The following SLC25A25 variants were observed in gnomAD, a reference collection of about 807,000 sequenced individuals.
SLC25A25 encodes the protein solute carrier family 25 member 25.
In SLC25A25, 32 loss-of-function variants were observed where a neutral mutation model predicts 57.7. The observed-to-expected ratio is 0.55, with a 90% confidence interval of 0.42 to 0.74. The LOEUF (loss-of-function observed/expected upper bound fraction) is 0.74, where lower values mean the gene tolerates loss of function less well. Ranked by LOEUF, SLC25A25 falls within the 30% of genes least tolerant of loss-of-function variation. The pLI is 0.00. For missense variants in SLC25A25, 556 were observed against 701.3 expected, an observed-to-expected ratio of 0.79 and a Z score of 2.34; for synonymous variants, 306 against 291.2, an observed-to-expected ratio of 1.05 and a Z score of -0.52.
At position 128,103,591 on chromosome 9, in the gene SLC25A25, C is replaced by A; in HGVS notation, c.625-90C>A. ...TTCTCCCTGTCCTGTGGTCCCTGGC[C>A]TGGAGCCGTGCTAGAGGGTAGACGG... On this transcript the variant is annotated intron_variant, in intron 5 of 10. Coordinates refer to ENST00000373069, the MANE Select transcript of SLC25A25 (RefSeq NM_001330988.2). The surrounding 1 kb of genome is among the most constrained non-coding windows in gnomAD (Gnocchi z 6.7). 6.4e-7 allele frequency: 1 copy of A among 1,558,184 alleles called. No homozygotes were observed. The highest frequency in any genetic ancestry group is 8.8e-7 in the Non-Finnish European group (1 of 1,134,466).
rs1834102808 is a variant in SLC25A25 at position 128,107,503 on chromosome 9, C to T, written c.*59C>T. Reference sequence around the variant, plus strand: ...ATCCTGGGCCGCAGCCTGGGGTGTGCAGCCATCTCATTCTGTGAATGTGCC... The same window carrying T: ...ATCCTGGGCCGCAGCCTGGGGTGTGTAGCCATCTCATTCTGTGAATGTGCC... On this transcript the variant is annotated 3_prime_UTR_variant, in exon 11 of 11. Coordinates refer to ENST00000373069, the MANE Select transcript of SLC25A25 (RefSeq NM_001330988.2). 1 of 1,485,730 alleles carries T rather than the reference C, an allele frequency of 6.7e-7. No homozygotes were observed. 92.0% of individuals were successfully genotyped at this position (1,485,730 alleles called of 1,614,324 possible).
intron 1 of SLC25A25, among the ~76,000 whole-genome samples, chr9:128,070,970 A>AAAAG (rs1554730811): frequency 0.023 from 1,461 of 63,856 alleles, 24 homozygotes; most frequent in South Asian, 0.035. Flanking sequence ...AAAAAAAAAA[A>AAAAG]AAAGAAAGAA....
chr9:128,093,622 T>A (rs779033225), intron 1 of SLC25A25, among the ~76,000 whole-genome samples: 1 of 152,114 alleles, frequency 6.6e-6, no homozygotes, highest in Non-Finnish European at 1.5e-5. Flanking sequence ...GAGCCCCAAG[T>A]GGGATATGGG....
At chr9:128,082,186 T>C (rs1833170767) in intron 1 of SLC25A25, among the ~76,000 whole-genome samples, 1 of 152,204 alleles carries the variant, frequency 6.6e-6, no homozygotes, top group African/African-American at 2.4e-5. Flanking sequence ...CCTTCCACAG[T>C]TACAGGAGTT....
intron 1 of SLC25A25, among the ~76,000 whole-genome samples, chr9:128,098,009 C>T (rs914514541): frequency 6.6e-6 from 1 of 152,200 alleles, no homozygotes; most frequent in Non-Finnish European, 1.5e-5. Flanking sequence ...GCACCTGGCT[C>T]TCGGCCACCC....
chr9:128,077,469 A>G (rs1833042166), intron 1 of SLC25A25, among the ~76,000 whole-genome samples: 1 of 147,364 alleles, frequency 6.8e-6, no homozygotes, highest in South Asian at 2.2e-4. Context: ...GTGAGCCGAG[A>G]TCGCGCCACT....
intron 1 of SLC25A25, among the ~76,000 whole-genome samples, chr9:128,092,493 G>C (rs1833438473): frequency 1.3e-5 from 2 of 151,866 alleles, no homozygotes; most frequent in South Asian, 2.1e-4. Context: ...TTGGAGCTGT[G>C]GGGGTGGTCT....
At chr9:128,086,494 C>G (rs10987866) in intron 1 of SLC25A25, among the ~76,000 whole-genome samples, 4 of 151,916 alleles carry the variant, frequency 2.6e-5, no homozygotes, top group Non-Finnish European at 5.9e-5. Flanking sequence ...CCACCACACC[C>G]GGCTAATTTT....
At position 128,099,465 on chromosome 9, in the gene SLC25A25, C is replaced by T; in HGVS notation, c.262-1631C>T. 9.0e-7 allele frequency: 1 copy of T among 1,114,348 alleles called. No individual in the cohort carries two copies. Among genetic ancestry groups the T allele is most frequent in the Non-Finnish European group, 1.1e-6 (1 of 893,156 alleles). The allele number at this position is 1,114,348 out of a possible 1,614,324, so 69.0% of individuals were successfully genotyped here. On this transcript the variant is annotated intron_variant, in intron 1 of 10. Transcript: ENST00000373069. This position sits in a 1 kb window ranked among gnomAD's most constrained non-coding sequence, Gnocchi z 6.8. ...TGTGGCTCACCCTGGCAGCAGGCGG[C>T]TGGGTCCCAGAGGGCTCCATGCCTG...
At chr9:128,087,646 A>G (rs1274752534) in intron 1 of SLC25A25, among the ~76,000 whole-genome samples, 1 of 151,996 alleles carries the variant, frequency 6.6e-6, no homozygotes, top group Non-Finnish European at 1.5e-5. Flanking sequence ...TCTTTAAACT[A>G]TTTTTTCAGC....
Position 128,107,384 on chromosome 9 carries a change from G to A in SLC25A25, c.1488G>A (p.Val496=). The A allele has an allele frequency of 6.6e-7, 1 of 1,512,422 alleles. No individual in the cohort carries two copies. The highest frequency in any genetic ancestry group is 8.9e-7 in the Non-Finnish European group (1 of 1,129,274). 93.7% of individuals were successfully genotyped at this position (1,512,422 alleles called of 1,614,324 possible). A position where few individuals can be genotyped will look rare whatever the true frequency, so the allele number is the denominator to read the frequency against. Residue 496 remains valine (V), a synonymous_variant, in exon 11 of 11, where the codon GTG becomes GTA. Transcript: ENST00000373069. ...APNFMKVIPA[V]SISYVVYENL... ...ACTTCATGAAGGTCATCCCAGCTGT[G>A]AGCATCAGCTACGTGGTCTACGAGA...
intron 1 of SLC25A25, among the ~76,000 whole-genome samples, chr9:128,080,435 T>G (rs1833129752): frequency 6.6e-6 from 1 of 150,570 alleles, no homozygotes; most frequent in Non-Finnish European, 1.5e-5. Context: ...AATGGTCCTG[T>G]TGGTTAAAAC....
chr9:128,070,647 T>C (rs562366881), intron 1 of SLC25A25, among the ~76,000 whole-genome samples: 1 of 151,898 alleles, frequency 6.6e-6, no homozygotes, highest in Non-Finnish European at 1.5e-5. Context: ...TGATGAATAC[T>C]CACTTGAAAA....
intron 1 of SLC25A25, among the ~76,000 whole-genome samples, chr9:128,089,606 C>A (rs1174660985): frequency 6.6e-6 from 1 of 150,810 alleles, no homozygotes; most frequent in African/African-American, 2.4e-5. Context: ...GACCCCATCT[C>A]AACCATCTTA....
At chr9:128,068,673 A>C (rs1832835476) in intron 1 of SLC25A25, 93 bp downstream of exon 1, 1 of 1,301,734 alleles carries the variant, frequency 7.7e-7, no homozygotes, top group Admixed American at 3.8e-5. Flanking sequence ...GCTGGGCGGA[A>C]CCCCCACTGT....
intron 1 of SLC25A25, chr9:128,098,460 T>A: frequency 6.7e-7 from 1 of 1,487,024 alleles, no homozygotes; most frequent in Admixed American, 2.4e-5. Flanking sequence ...AAGCAGCCAA[T>A]GACAGCTGAG....
chr9:128,094,257 G>A (rs2130805956), intron 1 of SLC25A25: 1 of 152,332 alleles, frequency 6.6e-6, no homozygotes, highest in South Asian at 2.1e-4. Flanking sequence ...TAGTGAGTCA[G>A]GTTCCTGCAA....
chr9:128,072,985 T>A (rs371563156), intron 1 of SLC25A25, among the ~76,000 whole-genome samples: 10 of 152,224 alleles, frequency 6.6e-5, no homozygotes, highest in African/African-American at 2.2e-4. Context: ...AGGTTCTAGA[T>A]GAGCTGCAGT....
intron 1 of SLC25A25, chr9:128,091,488 G>T: frequency 1.0e-6 from 1 of 987,804 alleles, no homozygotes; most frequent in Non-Finnish European, 1.2e-6. Context: ...ATAACTGGGA[G>T]CTCGAAGTTG....
Sources: gnomAD v4.1 joint callset for allele counts (sites outside exome capture counted in the v4.1 genomes callset) on GRCh38, gnomAD v4.1.1 for gene constraint, Gnocchi (gnomAD v3.1) non-coding constraint, MANE v1.5 for transcripts, NCBI Gene and HGNC (gene_info 2026-07-23, HGNC 2026-07-21) for gene names.